EPB41L5: variants seen among roughly 807,000 people sequenced by gnomAD.
The protein encoded by EPB41L5 is band 4.1-like protein 5.
Under a neutral mutation model 106.6 loss-of-function variants are expected in EPB41L5, and 55 were observed. The observed-to-expected ratio is 0.52, with a 90% confidence interval of 0.42 to 0.65. The LOEUF (loss-of-function observed/expected upper bound fraction) is 0.65. EPB41L5 is among the 30% of genes least tolerant of loss of function. The pLI, the probability that EPB41L5 is intolerant of heterozygous loss-of-function variation, is 0.00. For missense variants in EPB41L5, 871 were observed against 882.1 expected (o/e 0.99, Z 0.16); for synonymous variants, 297 against 306.7 (o/e 0.97, Z 0.33).
At chr2:120,022,646 T>C (rs1356384459) in intron 2 of EPB41L5, among the ~76,000 whole-genome samples, 1 of 152,202 alleles carries the variant, frequency 6.6e-6, no homozygotes, top group Non-Finnish European at 1.5e-5. Context: ...TAATCATACA[T>C]GTGCATGTGT....
chr2:120,159,573 C>A (rs1307218890), intron 20 of EPB41L5, among the ~76,000 whole-genome samples: 2 of 151,396 alleles, frequency 1.3e-5, no homozygotes, highest in Non-Finnish European at 2.9e-5. Flanking sequence ...CATATGGAAC[C>A]AAAAAAAAGC....
intron 3 of EPB41L5, among the ~76,000 whole-genome samples, chr2:120,058,869 C>T (rs1033602354): frequency 6.6e-6 from 1 of 152,132 alleles, no homozygotes; most frequent in Admixed American, 6.5e-5. Context: ...AACAAAGATA[C>T]CAGTTCTCCC....
At chr2:120,153,355 A>T (rs1686761945) in intron 20 of EPB41L5, among the ~76,000 whole-genome samples, 1 of 152,052 alleles carries the variant, frequency 6.6e-6, no homozygotes, top group South Asian at 2.1e-4. Flanking sequence ...ATGTGGTATG[A>T]CTTTAGTCTC....
At chr2:120,027,665 C>T (rs1253958427) in intron 2 of EPB41L5, among the ~76,000 whole-genome samples, 2 of 152,110 alleles carry the variant, frequency 1.3e-5, no homozygotes, top group East Asian at 1.9e-4. Flanking sequence ...ACCTCAGCCT[C>T]CCAAGTAGCT....
At chr2:120,068,493 C>T (rs929284182) in intron 3 of EPB41L5, among the ~76,000 whole-genome samples, 22 of 152,158 alleles carry the variant, frequency 1.4e-4, no homozygotes, top group Admixed American at 5.9e-4. Context: ...AGTCTGAAGC[C>T]GACCTGGGAC....
At chr2:120,029,189 G>A (rs1678538909) in intron 2 of EPB41L5, among the ~76,000 whole-genome samples, 2 of 151,990 alleles carry the variant, frequency 1.3e-5, no homozygotes. Flanking sequence ...TTCTGAGATG[G>A]AGTCTCACTC....
At chr2:120,085,123 C>T (rs773755989) in intron 10 of EPB41L5, among the ~76,000 whole-genome samples, 3 of 152,192 alleles carry the variant, frequency 2.0e-5, no homozygotes, top group Non-Finnish European at 4.4e-5. Context: ...TCTCTCAACT[C>T]GTCAAAGTGA....
intron 2 of EPB41L5, among the ~76,000 whole-genome samples, chr2:120,041,485 C>G (rs951872353): frequency 6.6e-6 from 1 of 152,106 alleles, no homozygotes; most frequent in African/African-American, 2.4e-5. Flanking sequence ...CTCATATTCC[C>G]CGCACCTCCC....
At chr2:120,124,055 T>C (rs1558892069) in intron 16 of EPB41L5, among the ~76,000 whole-genome samples, 3 of 152,188 alleles carry the variant, frequency 2.0e-5, no homozygotes, top group South Asian at 4.1e-4. Flanking sequence ...AAGACTTACT[T>C]GGTTGGTTCT....
At chr2:120,149,879 G>A (rs943032319) in intron 20 of EPB41L5, among the ~76,000 whole-genome samples, 1 of 145,142 alleles carries the variant, frequency 6.9e-6, no homozygotes, top group African/African-American at 2.5e-5. Flanking sequence ...CACTCTCATG[G>A]TATTTCACTG....
At chr2:120,030,414 A>T (rs577813460) in intron 2 of EPB41L5, among the ~76,000 whole-genome samples, 2 of 152,192 alleles carry the variant, frequency 1.3e-5, no homozygotes, top group Non-Finnish European at 2.9e-5. Context: ...GATCACCCAG[A>T]TCGGTAATCT....
chr2:120,151,108 C>T (rs540834890), intron 20 of EPB41L5, among the ~76,000 whole-genome samples: 38 of 152,058 alleles, frequency 2.5e-4, no homozygotes, highest in South Asian at 2.1e-3. Flanking sequence ...CCCAGGAGTT[C>T]GAGACCACCC....
intron 11 of EPB41L5, 33 bp downstream of exon 11, chr2:120,087,273 A>C: frequency 8.0e-7 from 1 of 1,252,758 alleles, no homozygotes; most frequent in Non-Finnish European, 1.2e-6. Flanking sequence ...TTACTTGTGT[A>C]ACAGTGACTG....
At chr2:120,158,828 A>G (rs2105531244) in intron 20 of EPB41L5, among the ~76,000 whole-genome samples, 1 of 152,318 alleles carries the variant, frequency 6.6e-6, no homozygotes, top group African/African-American at 2.4e-5. Context: ...ATGATTCTAT[A>G]TCTAGAAAAC....
intron 2 of EPB41L5, among the ~76,000 whole-genome samples, chr2:120,019,995 A>G (rs1269924829): frequency 1.3e-5 from 2 of 151,958 alleles, no homozygotes; most frequent in Non-Finnish European, 2.9e-5. Flanking sequence ...ATTTTTTTAC[A>G]GGACTTTTTG....
intron 3 of EPB41L5, among the ~76,000 whole-genome samples, chr2:120,062,101 G>A (rs1681123985): frequency 6.6e-6 from 1 of 152,096 alleles, no homozygotes; most frequent in Admixed American, 6.6e-5. Flanking sequence ...TTTCATAGTA[G>A]AAGTACCAGC....
At chr2:120,099,289 A>G (rs1013439389) in intron 14 of EPB41L5, among the ~76,000 whole-genome samples, 2 of 148,444 alleles carry the variant, frequency 1.3e-5, no homozygotes, top group African/African-American at 4.9e-5. Flanking sequence ...GTTATAGTTC[A>G]TCTTTGAGTT....
At chr2:120,133,929 C>G (rs1685812847) in intron 18 of EPB41L5, among the ~76,000 whole-genome samples, 1 of 152,002 alleles carries the variant, frequency 6.6e-6, no homozygotes, top group African/African-American at 2.4e-5. Flanking sequence ...CACAGTAAAA[C>G]AAAGCACCAA....
chr2:120,131,103 C>G (rs1171701328), intron 17 of EPB41L5, among the ~76,000 whole-genome samples: 3 of 152,148 alleles, frequency 2.0e-5, no homozygotes, highest in Non-Finnish European at 4.4e-5. Context: ...AGACAAAATG[C>G]TTGTCTTGCG....
Sources: allele counts gnomAD v4.1 joint callset (sites outside exome capture counted in the v4.1 genomes callset), GRCh38; gene constraint gnomAD v4.1.1; transcripts MANE v1.5; gene names NCBI Gene and HGNC (gene_info 2026-07-23, HGNC 2026-07-21).